Variants in MALRD1 observed in about 807,000 individuals in gnomAD.
The protein encoded by MALRD1 is MAM and LDL receptor class A domain containing 1.
Under a neutral mutation model 242.1 loss-of-function variants are expected in MALRD1, and 247 were observed. The ratio of observed to expected loss-of-function variants is 1.02; its 90% CI spans 0.92 to 1.13. MALRD1 has a LOEUF of 1.13. MALRD1 is among the 50% of genes most tolerant of loss of function. The pLI is 0.00. For synonymous variants in MALRD1, 995 were observed against 866.6 expected (o/e 1.15, Z -2.60); for missense variants, 2,989 against 2,533.1 (o/e 1.18, Z -3.86).
intron 18 of MALRD1, among the ~76,000 whole-genome samples, chr10:19,244,840 T>C (rs1453722010): frequency 6.6e-6 from 1 of 152,196 alleles, no homozygotes; most frequent in African/African-American, 2.4e-5. Flanking sequence ...CTCTTTATCA[T>C]ATGAAACATC....
chr10:19,349,785 C>T (rs527403682), intron 25 of MALRD1, among the ~76,000 whole-genome samples: 113 of 152,144 alleles, frequency 7.4e-4, no homozygotes, highest in South Asian at 2.9e-3. Flanking sequence ...ATACAAAATA[C>T]GAAAATTCCA....
At chr10:19,624,588 A>G (rs5016625) in intron 36 of MALRD1, among the ~76,000 whole-genome samples, 8,608 of 152,118 alleles carry the variant, frequency 0.057, 709 homozygotes, top group African/African-American at 0.19. Flanking sequence ...CATTTAGGCC[A>G]GGCATGGTGG....
At chr10:19,127,218 T>TA (rs1837310734) in intron 7 of MALRD1, among the ~76,000 whole-genome samples, 1 of 152,224 alleles carries the variant, frequency 6.6e-6, no homozygotes, top group Admixed American at 6.5e-5. Context: ...AGACTATTTT[T>TA]AAAAAGATTA....
chr10:19,659,949 T>C (rs1041949015), intron 36 of MALRD1, among the ~76,000 whole-genome samples: 1 of 152,170 alleles, frequency 6.6e-6, no homozygotes, highest in African/African-American at 2.4e-5. Flanking sequence ...CAGCCTGAGC[T>C]ATTAGGAGAA....
intron 4 of MALRD1, among the ~76,000 whole-genome samples, chr10:19,100,406 A>G (rs1836208883): frequency 6.7e-6 from 1 of 150,370 alleles, no homozygotes; most frequent in Non-Finnish European, 1.5e-5. Flanking sequence ...TAATAAGGAG[A>G]GGATTACAGC....
intron 5 of MALRD1, among the ~76,000 whole-genome samples, chr10:19,121,280 A>T (rs1272266124): frequency 6.6e-6 from 1 of 150,644 alleles, no homozygotes; most frequent in Non-Finnish European, 1.5e-5. Context: ...AACTCAAGTG[A>T]TCCACCTGCT....
At chr10:19,306,125 A>ATATATATACATATAG (rs1564546915) in intron 21 of MALRD1, among the ~76,000 whole-genome samples, 1 of 82,532 alleles carries the variant, frequency 1.2e-5, no homozygotes, top group South Asian at 2.8e-4. Context: ...ACTATCTAGT[A>ATATATATACATATAG]TATATAGTAT....
intron 10 of MALRD1, among the ~76,000 whole-genome samples, chr10:19,138,152 G>A (rs1424725342): frequency 2.4e-5 from 1 of 42,506 alleles, no homozygotes; most frequent in Non-Finnish European, 3.9e-5. Context: ...CAGCAATCCA[G>A]TTAATACTTC....
chr10:19,452,773 C>T (rs1297835148), intron 29 of MALRD1, among the ~76,000 whole-genome samples: 1 of 152,134 alleles, frequency 6.6e-6, no homozygotes, highest in African/African-American at 2.4e-5. Context: ...GCAGTTGCCA[C>T]TTCAGATGGT....
At chr10:19,411,254 T>C (rs1339234214) in intron 28 of MALRD1, among the ~76,000 whole-genome samples, 11 of 152,180 alleles carry the variant, frequency 7.2e-5, no homozygotes, top group Non-Finnish European at 7.3e-5. Context: ...TAGGTAAAGA[T>C]ATGAAGAACA....
At chr10:19,362,550 T>C (rs1252093103) in intron 26 of MALRD1, among the ~76,000 whole-genome samples, 2 of 152,016 alleles carry the variant, frequency 1.3e-5, no homozygotes, top group Admixed American at 6.6e-5. Flanking sequence ...TCCCAGGTGA[T>C]GGTACCAAGA....
chr10:19,486,191 A>G (rs1205559440), intron 29 of MALRD1, among the ~76,000 whole-genome samples: 2 of 152,216 alleles, frequency 1.3e-5, no homozygotes, highest in Admixed American at 6.5e-5. Flanking sequence ...TACTTATCAC[A>G]TTAAATCAAA....
chr10:19,655,902 A>G (rs1338464115), intron 36 of MALRD1, among the ~76,000 whole-genome samples: 1 of 152,084 alleles, frequency 6.6e-6, no homozygotes, highest in African/African-American at 2.4e-5. Flanking sequence ...AGTGTATAGA[A>G]TTTGAGGACA....
At chr10:19,236,371 T>C (rs1838317690) in intron 18 of MALRD1, among the ~76,000 whole-genome samples, 1 of 152,166 alleles carries the variant, frequency 6.6e-6, no homozygotes, top group Non-Finnish European at 1.5e-5. Context: ...ACCTAGAAGC[T>C]TGGTAGAGTT....
intron 18 of MALRD1, among the ~76,000 whole-genome samples, chr10:19,245,616 C>G (rs1839011271): frequency 6.6e-6 from 1 of 152,096 alleles, no homozygotes. Flanking sequence ...CCCTGGGAAT[C>G]CACTTGTCCT....
intron 33 of MALRD1, among the ~76,000 whole-genome samples, chr10:19,573,597 A>G (rs1189239596): frequency 6.6e-6 from 1 of 152,072 alleles, no homozygotes; most frequent in Admixed American, 6.6e-5. Context: ...CCTAAAAAAG[A>G]AAAAATTTTC....
At chr10:19,140,139 C>G in intron 10 of MALRD1, among the ~76,000 whole-genome samples, 1 of 151,614 alleles carries the variant, frequency 6.6e-6, no homozygotes, top group East Asian at 1.9e-4. Context: ...TGAAATATTC[C>G]CCATTCATTT....
At chr10:19,263,400 G>C (rs1399234845) in intron 19 of MALRD1, among the ~76,000 whole-genome samples, 1 of 152,128 alleles carries the variant, frequency 6.6e-6, no homozygotes, top group African/African-American at 2.4e-5. Flanking sequence ...TACTGATAAT[G>C]AGTGCCTTTT....
chr10:19,206,406 G>C (rs944516098), intron 17 of MALRD1, among the ~76,000 whole-genome samples: 1 of 152,090 alleles, frequency 6.6e-6, no homozygotes. Context: ...ATCCTATGAA[G>C]TGTAACTTTT....
Sources: allele counts gnomAD v4.1 joint callset (sites outside exome capture counted in the v4.1 genomes callset), GRCh38; gene constraint gnomAD v4.1.1; transcripts MANE v1.5; gene names NCBI Gene and HGNC (gene_info 2026-07-23, HGNC 2026-07-21).